The following LPP variants were observed in gnomAD, a reference collection of about 807,000 sequenced individuals.
LPP encodes lipoma-preferred partner.
A neutral mutation model predicts 60.4 loss-of-function variants in LPP; 38 were observed. That is an observed-to-expected ratio of 0.63 (90% CI 0.49 to 0.83). The LOEUF is 0.83. Ranked by LOEUF, LPP falls within the 40% of genes least tolerant of loss-of-function variation. LPP has a pLI of 0.00. For synonymous variants in LPP, 328 were observed against 290.8 expected (o/e 1.13, Z -1.30); for missense variants, 902 against 783.6 (o/e 1.15, Z -1.80).
intron 2 of LPP, among the ~76,000 whole-genome samples, chr3:188,269,961 T>C (rs557727001): frequency 7.3e-4 from 111 of 152,132 alleles, no homozygotes; most frequent in African/African-American, 2.6e-3. Flanking sequence ...CCTTGTTTTT[T>C]AGTATCAGTT....
intron 7 of LPP, among the ~76,000 whole-genome samples, chr3:188,654,819 C>G (rs751289095): frequency 6.6e-6 from 1 of 152,272 alleles, no homozygotes; most frequent in Admixed American, 6.5e-5. Context: ...GGACTCCAAC[C>G]TGCAGTGTCT....
chr3:188,577,302 A>G (rs1365567936), intron 6 of LPP, among the ~76,000 whole-genome samples: 4 of 152,196 alleles, frequency 2.6e-5, no homozygotes, highest in Non-Finnish European at 5.9e-5. Context: ...TATGTGAAAT[A>G]AGACATACAC....
chr3:188,492,660 C>T (rs1462261105), intron 5 of LPP, among the ~76,000 whole-genome samples: 1 of 152,134 alleles, frequency 6.6e-6, no homozygotes, highest in Non-Finnish European at 1.5e-5. Flanking sequence ...TGCACCATTG[C>T]CCTCCAGCCT....
At chr3:188,727,407 G>A (rs1422083201) in intron 8 of LPP, among the ~76,000 whole-genome samples, 4 of 152,046 alleles carry the variant, frequency 2.6e-5, no homozygotes, top group Admixed American at 6.6e-5. Flanking sequence ...TGATGACCAC[G>A]GGTAAGATAT....
At chr3:188,162,336 A>AC (rs1434737718) in intron 1 of LPP, among the ~76,000 whole-genome samples, 14 of 151,984 alleles carry the variant, frequency 9.2e-5, no homozygotes, top group East Asian at 7.8e-4. Context: ...TGAGAATCAA[A>AC]CCCCCCTCTC....
At chr3:188,681,487 G>T (rs1859507322) in intron 7 of LPP, among the ~76,000 whole-genome samples, 1 of 152,146 alleles carries the variant, frequency 6.6e-6, no homozygotes, top group Non-Finnish European at 1.5e-5. Context: ...AAGATAAGCA[G>T]CTTTTGTCAC....
chr3:188,171,953 A>T (rs1055248009), intron 1 of LPP, among the ~76,000 whole-genome samples: 1 of 152,214 alleles, frequency 6.6e-6, no homozygotes, highest in African/African-American at 2.4e-5. Context: ...AGAGGGCATG[A>T]TGTGGGCTGG....
intron 9 of LPP, among the ~76,000 whole-genome samples, chr3:188,818,334 A>T (rs952463152): frequency 2.0e-5 from 3 of 152,086 alleles, no homozygotes; most frequent in African/African-American, 7.2e-5. Context: ...ATGTATCCTC[A>T]GTTTATTGAG....
intron 7 of LPP, among the ~76,000 whole-genome samples, chr3:188,701,944 C>CTTTTTTTTTTTTTTTTTTTTTTTTTT (rs35803152): frequency 2.4e-5 from 2 of 83,550 alleles, no homozygotes; most frequent in Non-Finnish European, 4.1e-5. Flanking sequence ...GTTTTTTTCC[C>CTTTTTTTTTTTTTTTTTTTTTTTTTT]TTTTTTTTTT....
At chr3:188,576,040 G>T (rs1190972584) in intron 6 of LPP, among the ~76,000 whole-genome samples, 6 of 152,108 alleles carry the variant, frequency 3.9e-5, no homozygotes, top group African/African-American at 1.4e-4. Context: ...AGCACACAAG[G>T]TCCACTGATT....
At chr3:188,495,632 A>G (rs1809972289) in intron 5 of LPP, among the ~76,000 whole-genome samples, 1 of 152,214 alleles carries the variant, frequency 6.6e-6, no homozygotes, top group South Asian at 2.1e-4. Flanking sequence ...GTAATTTTTT[A>G]GTGGAAGATT....
At chr3:188,313,221 A>C (rs1471587851) in intron 2 of LPP, among the ~76,000 whole-genome samples, 1 of 152,096 alleles carries the variant, frequency 6.6e-6, no homozygotes, top group Non-Finnish European at 1.5e-5. Flanking sequence ...TATGCTTTCA[A>C]TTATTGTAGC....
At chr3:188,355,127 G>A (rs1358300900) in intron 3 of LPP, among the ~76,000 whole-genome samples, 3 of 152,022 alleles carry the variant, frequency 2.0e-5, no homozygotes, top group African/African-American at 2.4e-5. Context: ...TCCTGCCTCA[G>A]CCTCCCGAGT....
chr3:188,241,209 A>T (rs147971533), intron 2 of LPP, among the ~76,000 whole-genome samples: 1 of 152,310 alleles, frequency 6.6e-6, no homozygotes, highest in South Asian at 2.1e-4. Flanking sequence ...CTGATATAGC[A>T]TGAATCCAAC....
intron 9 of LPP, among the ~76,000 whole-genome samples, chr3:188,781,649 C>T (rs994003074): frequency 1.8e-4 from 27 of 151,512 alleles, no homozygotes; most frequent in South Asian, 8.4e-4. Flanking sequence ...TTTGGGAGGC[C>T]GAGGTGGGTG....
chr3:188,498,363 CA>C (rs945018663), intron 5 of LPP, among the ~76,000 whole-genome samples: 6 of 152,258 alleles, frequency 3.9e-5, no homozygotes, highest in African/African-American at 9.6e-5. Flanking sequence ...ATTCCACTCT[CA>C]GCCAGCCCCT....
At chr3:188,803,045 C>CTT (rs374563246) in intron 9 of LPP, among the ~76,000 whole-genome samples, 1,857 of 130,424 alleles carry the variant, frequency 0.014, 80 homozygotes, top group African/African-American at 0.048. Context: ...GTTGTATATG[C>CTT]TTTTTTTTTT....
intron 7 of LPP, among the ~76,000 whole-genome samples, chr3:188,659,282 A>C (rs1043733343): frequency 2.6e-5 from 4 of 152,216 alleles, no homozygotes; most frequent in Admixed American, 2.6e-4. Flanking sequence ...ATGATTATCA[A>C]AGTCAGGAGA....
intron 1 of LPP, among the ~76,000 whole-genome samples, chr3:188,198,193 G>T (rs1207611673): frequency 6.6e-6 from 1 of 152,052 alleles, no homozygotes; most frequent in Non-Finnish European, 1.5e-5. Flanking sequence ...TTATAAATAG[G>T]GAAACAAATG....
Sources: allele counts gnomAD v4.1 joint callset (sites outside exome capture counted in the v4.1 genomes callset), GRCh38; gene constraint gnomAD v4.1.1; transcripts MANE v1.5; gene names NCBI Gene and HGNC (gene_info 2026-07-23, HGNC 2026-07-21).